CSMD1: variants seen among roughly 807,000 people sequenced by gnomAD.
CSMD1 encodes CUB and sushi domain-containing protein 1.
A neutral mutation model predicts 417.5 loss-of-function variants in CSMD1; 213 were observed. The ratio of observed to expected loss-of-function variants is 0.51; its 90% CI spans 0.46 to 0.57. The LOEUF is 0.57. Among genes scored for constraint, CSMD1 ranks in the 20% least tolerant of loss-of-function variants. The probability of loss-of-function intolerance (pLI) is 0.00; values close to 1 mark genes in which losing one functional copy is unlikely to be tolerated. For synonymous variants in CSMD1, 2,862 were observed against 1,736.8 expected, an observed-to-expected ratio of 1.65 and a Z score of -16.11; for missense variants, 6,923 against 4,529.7, an observed-to-expected ratio of 1.53 and a Z score of -15.17.
At chr8:3,838,978 A>G (rs1802912949) in intron 5 of CSMD1, among the ~76,000 whole-genome samples, 1 of 126,212 alleles carries the variant, frequency 7.9e-6, no homozygotes, top group Non-Finnish European at 1.6e-5. Context: ...TATATATAAT[A>G]TATTATATAT....
intron 21 of CSMD1, among the ~76,000 whole-genome samples, chr8:3,350,032 T>C (rs1161810095): frequency 6.9e-6 from 1 of 145,006 alleles, no homozygotes; most frequent in Non-Finnish European, 1.5e-5. Flanking sequence ...TATGTGTGTG[T>C]TATAATACCT....
chr8:3,548,006 G>A (rs1209487866), intron 10 of CSMD1, among the ~76,000 whole-genome samples: 2 of 152,086 alleles, frequency 1.3e-5, no homozygotes, highest in African/African-American at 4.8e-5. Flanking sequence ...TAAAAGAAAG[G>A]AAATGAGTTT....
rs558979011 is a variant in CSMD1 at position 3,386,212 on chromosome 8, C to T, written c.2782+1282G>A. ...ACAAAAAAGGAACCCTTTTGCATCT[C>T]TATTCAGAAACTTAGCAGAAAGCAC... On this transcript the variant is annotated intron_variant, in intron 18 of 69. Coordinates refer to ENST00000635120, the MANE Select transcript of CSMD1 (RefSeq NM_033225.6). 2.2e-3 allele frequency among the ~76,000 whole-genome samples: 329 copies of T among 152,336 alleles called. 1 individual carries two copies. Among genetic ancestry groups the T allele is most frequent in the African/African-American group, 7.4e-3 (309 of 41,592 alleles).
intron 3 of CSMD1, among the ~76,000 whole-genome samples, chr8:4,169,309 C>A (rs1797632148): frequency 6.6e-6 from 1 of 152,174 alleles, no homozygotes; most frequent in African/African-American, 2.4e-5. Context: ...GATCCTTCCT[C>A]TAAAGCTGGT....
At chr8:3,988,339 G>A (rs535261128) in intron 5 of CSMD1, among the ~76,000 whole-genome samples, 1 of 152,160 alleles carries the variant, frequency 6.6e-6, no homozygotes, top group Admixed American at 6.5e-5. Flanking sequence ...TTCTGAAATA[G>A]CATAACTACT....
intron 3 of CSMD1, among the ~76,000 whole-genome samples, chr8:4,118,437 G>C (rs1802286468): frequency 6.6e-6 from 1 of 151,780 alleles, no homozygotes; most frequent in African/African-American, 2.4e-5. Flanking sequence ...CAAAGGATAT[G>C]GACAGTCACT....
At chr8:4,405,913 G>A (rs1804984420) in intron 3 of CSMD1, among the ~76,000 whole-genome samples, 1 of 152,154 alleles carries the variant, frequency 6.6e-6, no homozygotes, top group African/African-American at 2.4e-5. Flanking sequence ...TTGCTCCAAG[G>A]AGCATCTCGT....
chr8:3,356,763 G>A (rs1297120515), intron 21 of CSMD1, among the ~76,000 whole-genome samples: 1 of 152,220 alleles, frequency 6.6e-6, no homozygotes, highest in East Asian at 1.9e-4. Context: ...CTGGTGCTCT[G>A]TGGGCCTGAG....
At chr8:4,454,710 C>G (rs554793390) in intron 2 of CSMD1, among the ~76,000 whole-genome samples, 39 of 152,256 alleles carry the variant, frequency 2.6e-4, no homozygotes, top group African/African-American at 9.4e-4. Context: ...CAACCTGAAA[C>G]TTTCGGTAAG....
chr8:4,546,890 C>A (rs1797662523), intron 2 of CSMD1, among the ~76,000 whole-genome samples: 1 of 152,014 alleles, frequency 6.6e-6, no homozygotes, highest in Non-Finnish European at 1.5e-5. Context: ...AGTTGTCTCT[C>A]TCTGGAGATC....
At chr8:4,274,063 A>G (rs191514109) in intron 3 of CSMD1, among the ~76,000 whole-genome samples, 3 of 152,304 alleles carry the variant, frequency 2.0e-5, no homozygotes, top group Admixed American at 2.0e-4. Context: ...AGAAACTGTG[A>G]CTTTATTGTA....
chr8:4,912,185 T>C (rs1805733586), intron 1 of CSMD1, among the ~76,000 whole-genome samples: 1 of 121,762 alleles, frequency 8.2e-6, no homozygotes, highest in Non-Finnish European at 1.9e-5. Context: ...AGACAATGCA[T>C]AAAATTAGAA....
chr8:3,686,373 G>C (rs892871109), intron 7 of CSMD1, among the ~76,000 whole-genome samples: 3 of 152,082 alleles, frequency 2.0e-5, no homozygotes, highest in Admixed American at 1.3e-4. Context: ...GGATAGGGAG[G>C]TGCCGCCACA....
At chr8:4,700,764 TA>T (rs1451682069) in intron 1 of CSMD1, among the ~76,000 whole-genome samples, 1 of 151,966 alleles carries the variant, frequency 6.6e-6, no homozygotes, top group African/African-American at 2.4e-5. Context: ...TACGCTGCAA[TA>T]AAAATGGTTA....
chr8:3,785,985 C>T (rs1057510894), intron 5 of CSMD1, among the ~76,000 whole-genome samples: 9 of 152,258 alleles, frequency 5.9e-5, no homozygotes, highest in African/African-American at 1.9e-4. Context: ...CCCAGGAGAC[C>T]TGAGTACTTA....
At chr8:3,097,147 A>T in intron 46 of CSMD1, 110 bp from the exon 47 acceptor site, 1 of 888,760 alleles carries the variant, frequency 1.1e-6, no homozygotes, top group Non-Finnish European at 1.6e-6. Flanking sequence ...AAGCAATCTT[A>T]TTGAGCTCTG....
chr8:3,194,676 G>A (rs28425768), intron 33 of CSMD1, among the ~76,000 whole-genome samples: 98,907 of 150,022 alleles, frequency 0.66, 33,841 homozygotes, highest in Non-Finnish European at 0.76. Context: ...CGCCATGTTA[G>A]CCACGCTGGT....
chr8:4,227,455 A>G (rs762102023), intron 3 of CSMD1, among the ~76,000 whole-genome samples: 3 of 152,148 alleles, frequency 2.0e-5, no homozygotes, highest in Non-Finnish European at 2.9e-5. Flanking sequence ...TATGACATTC[A>G]GAACAAGAAA....
chr8:3,978,403 C>T (rs1038180675), intron 5 of CSMD1, among the ~76,000 whole-genome samples: 2 of 152,066 alleles, frequency 1.3e-5, no homozygotes, highest in Non-Finnish European at 2.9e-5. Flanking sequence ...TAGATTTCTT[C>T]CACTCATATT....
Sources: allele counts gnomAD v4.1 joint callset (sites outside exome capture counted in the v4.1 genomes callset), GRCh38; gene constraint gnomAD v4.1.1; transcripts MANE v1.5; gene names NCBI Gene and HGNC (gene_info 2026-07-23, HGNC 2026-07-21).